Variants in LRP4 observed in about 807,000 individuals in gnomAD.
LRP4 encodes low-density lipoprotein receptor-related protein 4.
A neutral mutation model predicts 220.3 loss-of-function variants in LRP4; 95 were observed. That is an observed-to-expected ratio of 0.43 (90% CI 0.37 to 0.51). LRP4 has a LOEUF of 0.51. Among genes scored for constraint, LRP4 ranks in the 20% least tolerant of loss-of-function variants. The pLI is 0.00. For synonymous variants in LRP4, 903 were observed against 954.6 expected (o/e 0.95, Z 1.00); for missense variants, 1,925 against 2,567.0 (o/e 0.75, Z 5.40).
intron 1 of LRP4, among the ~76,000 whole-genome samples, chr11:46,911,553 C>A (rs1941858573): frequency 6.7e-6 from 1 of 148,446 alleles, no homozygotes; most frequent in Admixed American, 6.8e-5. Flanking sequence ...CATGCCACTG[C>A]ACTCCAGCCT....
Position 46,894,637 on chromosome 11 carries a change from T to A in LRP4, c.1492A>T (p.Asn498Tyr). The stretch of plus-strand genomic sequence containing the variant: ...ACAACCTCCTCCACGTTGCTGCCGT[T>A]GAGGTTGGCACGGAGGATCCGGTCC... ...TLDRILRANL[N>Y]GSNVEEVVST... The change falls in exon 12 of 38, where the codon AAC becomes TAC. Residue 498 changes from asparagine (N) to tyrosine (Y), a missense_variant. By Grantham distance (143) the Asn-to-Tyr change is moderately radical (BLOSUM62 -2). Coordinates refer to ENST00000378623, the MANE Select transcript of LRP4 (RefSeq NM_002334.4). 1 of 1,613,940 alleles carries A rather than the reference T, an allele frequency of 6.2e-7. No individual in the cohort carries two copies. The highest frequency in any genetic ancestry group is 8.5e-7 in the Non-Finnish European group (1 of 1,179,924).
Position 46,897,199 on chromosome 11 carries a change from A to G in LRP4, c.797-205T>C, listed in dbSNP as rs141394550. On this transcript the variant is annotated intron_variant, in intron 7 of 37. Transcript: ENST00000378623. ...TGCCATCTGCTGGAAAACTGCCATG[A>G]TGAGTATATAAATCTATTATGTGAC... is the stretch of plus-strand genomic sequence containing the variant. 6.6e-5 allele frequency among the ~76,000 whole-genome samples: 10 copies of G among 152,302 alleles called. No homozygotes were observed. In the East Asian group the frequency reaches 1.9e-3, roughly 29 times the overall value.
chr11:46,876,783 T>G lies in LRP4; in HGVS notation c.3325A>C (p.Asn1109His). 1 of 1,614,134 alleles carries G rather than the reference T, an allele frequency of 6.2e-7. No individual in the cohort carries two copies. The highest frequency in any genetic ancestry group is 8.5e-7 in the Non-Finnish European group (1 of 1,180,020). Residue 1109 changes from asparagine (N) to histidine (H), a missense_variant, in exon 24 of 38, where the codon AAT (asparagine) becomes CAT (histidine). Asn to His is a moderately conservative substitution (Grantham distance 68, BLOSUM62 1). This residue lies in a region of LRP4 where 1,244 missense variants were observed against 1,624.9 expected (regional missense o/e 0.77). Coordinates refer to ENST00000378623, the MANE Select transcript of LRP4 (RefSeq NM_002334.4). ...DSTLHRISRA[N>H]LDGSQHEDII... The stretch of plus-strand genomic sequence containing the variant: ...TCCTCATGCTGTGAGCCATCCAGAT[T>G]GGCACGACTGATCCTGTGCAGTGTG...
rs1941285127 is a variant in LRP4, at chr11:46,885,992, T to A, written c.2506+99A>T. ...CAAGGACTTGAAGTGAAGACAGAAG[T>A]GGTCCAGGAGAGACACTGGGCTCCT... On this transcript the variant is annotated intron_variant, in intron 18 of 37. Coordinates refer to ENST00000378623, the MANE Select transcript of LRP4 (RefSeq NM_002334.4). 6.1e-6 allele frequency: 6 copies of A among 990,660 alleles called. No homozygotes were observed. The East Asian group carries it at 1.4e-4, about 24-fold the overall frequency. The allele number at this position is 990,660 out of a possible 1,614,324, so 61.4% of individuals were successfully genotyped here.
chr11:46,861,992 C>T (rs1034825908), intron 37 of LRP4, among the ~76,000 whole-genome samples: 5 of 148,096 alleles, frequency 3.4e-5, no homozygotes, highest in Non-Finnish European at 5.9e-5. Flanking sequence ...CACTTGAACC[C>T]GGGAGGTGGA....
At chr11:46,889,601 A>G in intron 15 of LRP4, 68 bp from the exon 16 acceptor site, 1 of 1,595,558 alleles carries the variant, frequency 6.3e-7, no homozygotes, top group African/African-American at 1.3e-5. Context: ...ACTAGGGAAT[A>G]GGGGTTTAGG....
At chr11:46,863,473 C>A (rs911151407) in intron 36 of LRP4, among the ~76,000 whole-genome samples, 1 of 150,532 alleles carries the variant, frequency 6.6e-6, no homozygotes, top group Admixed American at 6.7e-5. Flanking sequence ...TGCGGTGGCT[C>A]ACACCTGTAA....
chr11:46,906,455 CG>C (rs1276544386), intron 1 of LRP4, among the ~76,000 whole-genome samples: 4 of 142,576 alleles, frequency 2.8e-5, no homozygotes, highest in South Asian at 4.5e-4. Context: ...GACTCTGTCT[CG>C]AAAAAAAAAA....
chr11:46,865,815 C>T (rs1006626041), intron 34 of LRP4, among the ~76,000 whole-genome samples: 1 of 152,130 alleles, frequency 6.6e-6, no homozygotes, highest in African/African-American at 2.4e-5. Context: ...AGAAAAGGTC[C>T]GAGCGGGGTC....
chr11:46,895,102 G>A lies in LRP4; in HGVS notation c.1309+64C>T, dbSNP rs918700194. 10 of 1,605,412 alleles carry A rather than the reference G, an allele frequency of 6.2e-6. No individual in the cohort carries two copies. In the African/African-American group the frequency reaches 1.3e-4, roughly 21 times the overall value. ...CCTCTCTGCAAATCCCTGAGCACCA[G>A]AGTACCTGGCCTTCCTCCATGCTCG... On this transcript the variant is annotated intron_variant, in intron 11 of 37. Transcript: ENST00000378623.
chr11:46,876,896 T>C lies in LRP4; in HGVS notation c.3278-66A>G. 6.3e-6 allele frequency: 8 copies of C among 1,275,992 alleles called. No homozygotes were observed. In the South Asian group the frequency reaches 8.3e-5, roughly 13 times the overall value. The allele number at this position is 1,275,992 out of a possible 1,614,324, so 79.0% of individuals were successfully genotyped here. ...CTACAATGGGACACACACAGCTGAT[T>C]CATGTCTTGAAACACCAGAGCATGT... On this transcript the variant is annotated intron_variant, in intron 23 of 37. Coordinates refer to ENST00000378623, the MANE Select transcript of LRP4 (RefSeq NM_002334.4).
Position 46,886,425 on chromosome 11 carries a change from G to A in LRP4, c.2324C>T (p.Ala775Val). The A allele has an allele frequency of 6.2e-7, 1 of 1,613,928 alleles. No individual in the cohort carries two copies. The highest frequency in any genetic ancestry group is 2.2e-5 in the East Asian group (1 of 44,888). The change falls in exon 17 of 38, where the codon GCT becomes GTT. Residue 775 changes from alanine (A) to valine (V), a missense_variant. Physicochemically the swap from Ala to Val is moderately conservative, Grantham distance 64. This residue lies in a region of LRP4 where 1,244 missense variants were observed against 1,624.9 expected (regional missense o/e 0.77). Transcript: ENST00000378623. ...CCGGGAGTCCCAGTCAAGGGCCACA[G>A]CACTGCGCACGTCAGCCAGTGGGAT... ...DVIPLADVRS[A>V]VALDWDSRDD...
intron 34 of LRP4, among the ~76,000 whole-genome samples, chr11:46,866,086 C>T (rs540841500): frequency 6.6e-6 from 1 of 151,042 alleles, no homozygotes. Context: ...GTGTTAACTA[C>T]CTTGTAAGCT....
At chr11:46,898,443 C>T in intron 7 of LRP4, 115 bp downstream of exon 7, 2 of 1,459,054 alleles carry the variant, frequency 1.4e-6, no homozygotes, top group Non-Finnish European at 1.9e-6. Flanking sequence ...ACCTTGGTCT[C>T]CCAAAGTGCT....
intron 37 of LRP4, chr11:46,861,137 G>T (rs928030115): frequency 6.2e-6 from 1 of 160,372 alleles, no homozygotes; most frequent in African/African-American, 2.4e-5. Context: ...TATTGGGGAG[G>T]GGTCTACCAT....
rs1376400154 is a variant in LRP4, at chr11:46,881,684, T to C, written c.2814+18A>G. The stretch of plus-strand genomic sequence containing the variant: ...TGTTTTAGTGCCACCCTTACCTTCC[T>C]CTTACTGCCACCCTTACCTTCCTCT... On this transcript the variant is annotated intron_variant, in intron 20 of 37. Transcript: ENST00000378623. The C allele has an allele frequency of 5.6e-6, 9 of 1,607,144 alleles. No individual in the cohort carries two copies. Among genetic ancestry groups the C allele is most frequent in the Non-Finnish European group, 7.6e-6 (9 of 1,177,412 alleles).
At chr11:46,883,746 G>T in intron 19 of LRP4, 125 bp downstream of exon 19, 1 of 730,852 alleles carries the variant, frequency 1.4e-6, no homozygotes, top group Non-Finnish European at 2.3e-6. Flanking sequence ...GGTTTCTACA[G>T]CTGCTCTTGC....
chr11:46,879,047 AGAG>A lies in LRP4; in HGVS notation c.3005-12_3005-10del. On this transcript the variant is annotated splice_polypyrimidine_tract_variant and intron_variant, in intron 21 of 37. Transcript: ENST00000378623. ...AGCACATGGTGTAGACACTGGGTAG[AGAG>A]GAGGGGATGTTCAATGGGGAGAGCT... is the stretch of plus-strand genomic sequence containing the variant. 6 of 1,614,166 alleles carry A rather than the reference AGAG, an allele frequency of 3.7e-6. No homozygotes were observed. The highest frequency in any genetic ancestry group is 5.1e-6 in the Non-Finnish European group (6 of 1,180,020).
At chr11:46,895,080 C>G in intron 11 of LRP4, 86 bp downstream of exon 11, 1 of 1,550,922 alleles carries the variant, frequency 6.4e-7, no homozygotes, top group East Asian at 2.2e-5. Flanking sequence ...CTCTCTACCT[C>G]TCTGCAAATC....
Sources: allele counts gnomAD v4.1 joint callset (sites outside exome capture counted in the v4.1 genomes callset), GRCh38; gene constraint gnomAD v4.1.1; regional missense constraint gnomAD v4.1.1; transcripts MANE v1.5; gene names NCBI Gene and HGNC (gene_info 2026-07-23, HGNC 2026-07-21).